NXPE2: variants seen among roughly 807,000 people sequenced by gnomAD.
NXPE2 encodes the protein neurexophilin and PC-esterase domain family member 2.
In NXPE2, 34 loss-of-function variants were observed where a neutral mutation model predicts 34.4. That is an observed-to-expected ratio of 0.99 (90% CI 0.75 to 1.31). The LOEUF (loss-of-function observed/expected upper bound fraction) is 1.31, where lower values mean the gene tolerates loss of function less well. NXPE2 is among the 40% of genes most tolerant of loss of function. NXPE2 has a pLI of 0.00. For synonymous variants in NXPE2, 235 were observed against 231.3 expected, an observed-to-expected ratio of 1.02 and a Z score of -0.15; for missense variants, 649 against 672.5, an observed-to-expected ratio of 0.97 and a Z score of 0.39.
the NXPE2 span, among the ~76,000 whole-genome samples, chr11:114,602,617 CAT>C: frequency 5.3e-4 from 74 of 140,352 alleles, 2 homozygotes; most frequent in South Asian, 0.015. Flanking sequence ...ATAATTATCT[CAT>C]ATATAAATTA....
chr11:114,718,933 G>T, the NXPE2 span, among the ~76,000 whole-genome samples: 5 of 152,116 alleles, frequency 3.3e-5, no homozygotes, highest in South Asian at 4.1e-4. Flanking sequence ...TCCTTGCAAA[G>T]AGTTAATCAT....
chr11:114,686,472 T>C (rs962102424), intron 2 of NXPE2, among the ~76,000 whole-genome samples: 12 of 152,286 alleles, frequency 7.9e-5, no homozygotes, highest in African/African-American at 2.9e-4. Flanking sequence ...GGCAGTGTAG[T>C]ATTCCATGGT....
the NXPE2 span, among the ~76,000 whole-genome samples, chr11:114,639,396 A>G: frequency 6.6e-6 from 1 of 151,818 alleles, no homozygotes; most frequent in Non-Finnish European, 1.5e-5. Flanking sequence ...TAGGAAAGGG[A>G]ACTCCCTGAC....
chr11:114,620,243 T>C, the NXPE2 span, among the ~76,000 whole-genome samples: 1 of 151,972 alleles, frequency 6.6e-6, no homozygotes, highest in African/African-American at 2.4e-5. Context: ...CGTTGGATAA[T>C]AATTATTGCC....
the NXPE2 span, among the ~76,000 whole-genome samples, chr11:114,502,542 T>C: frequency 6.6e-6 from 1 of 152,226 alleles, no homozygotes; most frequent in East Asian, 1.9e-4. Context: ...ATATTACTGT[T>C]ATTTGCTATT....
At chr11:114,640,128 ATATAT>A in the NXPE2 span, among the ~76,000 whole-genome samples, 75 of 120,336 alleles carry the variant, frequency 6.2e-4, 1 homozygote, top group East Asian at 7.0e-3. Context: ...GTTATATGTA[ATATAT>A]TATATATAAT....
At chr11:114,582,478 G>A in the NXPE2 span, 1 of 1,614,172 alleles carries the variant, frequency 6.2e-7, no homozygotes, top group South Asian at 1.1e-5. Flanking sequence ...GAGTGGACTT[G>A]GGAAGTGCCA....
At chr11:114,568,215 G>A in the NXPE2 span, among the ~76,000 whole-genome samples, 25 of 151,954 alleles carry the variant, frequency 1.6e-4, no homozygotes, top group African/African-American at 5.8e-4. Context: ...AAAAATCTCT[G>A]GGTCACATTC....
the NXPE2 span, among the ~76,000 whole-genome samples, chr11:114,508,499 A>T: frequency 6.6e-6 from 1 of 152,242 alleles, no homozygotes; most frequent in Non-Finnish European, 1.5e-5. Context: ...ACTATACTAC[A>T]GGGCTACAGT....
the NXPE2 span, among the ~76,000 whole-genome samples, chr11:114,619,167 C>T: frequency 1.3e-5 from 2 of 150,306 alleles, no homozygotes; most frequent in Admixed American, 1.3e-4. Flanking sequence ...AGTATTGCCT[C>T]TAGGGTTATC....
At chr11:114,477,838 G>T in the NXPE2 span, among the ~76,000 whole-genome samples, 8 of 151,552 alleles carry the variant, frequency 5.3e-5, no homozygotes, top group South Asian at 1.7e-3. Context: ...AAAAGAAAAA[G>T]AATCCCTTTC....
chr11:114,580,100 G>A, the NXPE2 span: 3 of 1,534,674 alleles, frequency 2.0e-6, no homozygotes, highest in African/African-American at 2.7e-5. Context: ...TTTCTGAAAG[G>A]GGTAAGAATT....
At chr11:114,521,963 A>G in the NXPE2 span, 4 of 1,598,626 alleles carry the variant, frequency 2.5e-6, no homozygotes, top group African/African-American at 1.3e-5. Flanking sequence ...TATAGTATTT[A>G]TCCCTTAGCA....
At chr11:114,542,727 G>A in the NXPE2 span, among the ~76,000 whole-genome samples, 1 of 151,982 alleles carries the variant, frequency 6.6e-6, no homozygotes, top group African/African-American at 2.4e-5. Context: ...TTAGAGGGAA[G>A]CAATAGTCAT....
the NXPE2 span, among the ~76,000 whole-genome samples, chr11:114,773,979 G>A: frequency 6.6e-6 from 1 of 152,198 alleles, no homozygotes; most frequent in East Asian, 1.9e-4. Flanking sequence ...AATCATGAGA[G>A]CTAATTTCCT....
At chr11:114,496,990 A>C in the NXPE2 span, among the ~76,000 whole-genome samples, 2 of 152,200 alleles carry the variant, frequency 1.3e-5, no homozygotes, top group African/African-American at 2.4e-5. Context: ...TGGTTTATGT[A>C]TTTACTATAT....
At chr11:114,726,008 A>C in the NXPE2 span, among the ~76,000 whole-genome samples, 1 of 112,972 alleles carries the variant, frequency 8.9e-6, no homozygotes, top group African/African-American at 3.0e-5. Flanking sequence ...GAAAAAGAAA[A>C]CCATAATAGT....
the NXPE2 span, among the ~76,000 whole-genome samples, chr11:114,788,703 G>A: frequency 0.023 from 3,504 of 152,286 alleles, 154 homozygotes; most frequent in African/African-American, 0.079. Flanking sequence ...TGCCTCTGCA[G>A]GCTCTGGTTC....
the NXPE2 span, among the ~76,000 whole-genome samples, chr11:114,807,245 C>T: frequency 6.6e-6 from 1 of 151,870 alleles, no homozygotes; most frequent in African/African-American, 2.4e-5. Context: ...ACATGCCAAA[C>T]TGTAAAGACC....
Sources: gnomAD v4.1 joint callset for allele counts (sites outside exome capture counted in the v4.1 genomes callset) on GRCh38, gnomAD v4.1.1 for gene constraint, MANE v1.5 for transcripts, NCBI Gene and HGNC (gene_info 2026-07-23, HGNC 2026-07-21) for gene names.